Variants in C2orf76 observed in about 807,000 individuals in gnomAD.
C2orf76 encodes chromosome 2 open reading frame 76, also known as UPF0538 protein C2orf76.
In C2orf76, 23 loss-of-function variants were observed where a neutral mutation model predicts 16.9. The observed-to-expected ratio is 1.36, with a 90% CI of 0.98 to 1.93. The LOEUF (loss-of-function observed/expected upper bound fraction) is 1.93, where lower values mean the gene tolerates loss of function less well. C2orf76 is among the 30% of genes most tolerant of loss of function. C2orf76 has a pLI of 0.00. For missense variants in C2orf76, 152 were observed against 152.6 expected, an observed-to-expected ratio of 1.00 and a Z score of 0.02; for synonymous variants, 48 against 52.3, an observed-to-expected ratio of 0.92 and a Z score of 0.35.
chr2:119,301,076 A>AACACAC (rs57577702), downstream of C2orf76, among the ~76,000 whole-genome samples: 69,449 of 146,040 alleles, frequency 0.48, 16,415 homozygotes, highest in Non-Finnish European at 0.54. Flanking sequence ...ACTTCTTAAA[A>AACACAC]ACACACACAC....
At chr2:119,300,132 T>G (rs770228461), downstream of C2orf76, among the ~76,000 whole-genome samples, 18 of 152,176 alleles carry the variant, frequency 1.2e-4, no homozygotes, top group Non-Finnish European at 2.5e-4. Flanking sequence ...TAACTTTACC[T>G]CTCTGGGCCC....
intron 1 of C2orf76, chr2:119,366,237 A>G: frequency 2.7e-6 from 1 of 370,204 alleles, no homozygotes; most frequent in South Asian, 2.0e-5. Flanking sequence ...GAACAGTGCA[A>G]GTTACCCAAC....
At chr2:119,340,777 C>CACAT (rs1680001151) in intron 1 of C2orf76, among the ~76,000 whole-genome samples, 1 of 151,404 alleles carries the variant, frequency 6.6e-6, no homozygotes, top group South Asian at 2.1e-4. Context: ...CACACACACA[C>CACAT]ACACACACAC....
intron 4 of C2orf76, among the ~76,000 whole-genome samples, chr2:119,317,103 T>C (rs1280549258): frequency 1.3e-5 from 2 of 152,226 alleles, no homozygotes; most frequent in East Asian, 3.8e-4. Context: ...CCTTTTGTTC[T>C]GGTACAGAAT....
intron 2 of C2orf76, among the ~76,000 whole-genome samples, chr2:119,332,952 C>T (rs556033339): frequency 1.5e-4 from 23 of 152,306 alleles, no homozygotes; most frequent in African/African-American, 5.1e-4. Flanking sequence ...AGGCTGGTCT[C>T]GAACTCCTGC....
intron 2 of C2orf76, 112 bp from the exon 3 acceptor site, chr2:119,321,316 C>A: frequency 1.6e-6 from 1 of 627,138 alleles, no homozygotes; most frequent in Non-Finnish European, 2.8e-6. Flanking sequence ...CCTTGAAAAA[C>A]CTGACAGAAC....
chr2:119,353,951 G>C (rs1680486305), intron 1 of C2orf76, among the ~76,000 whole-genome samples: 1 of 152,134 alleles, frequency 6.6e-6, no homozygotes, highest in Non-Finnish European at 1.5e-5. Flanking sequence ...AATTAAATAG[G>C]AGGAATCAGT....
intron 3 of C2orf76, among the ~76,000 whole-genome samples, chr2:119,318,160 T>C (rs1202157505): frequency 6.6e-6 from 1 of 152,218 alleles, no homozygotes. Flanking sequence ...AGTAAGTAAT[T>C]TCTCCACACT....
intron 5 of C2orf76, chr2:119,311,106 C>A (rs1678970878): frequency 1.1e-6 from 1 of 943,018 alleles, no homozygotes; most frequent in South Asian, 4.9e-5. Context: ...AATAAAACCA[C>A]ATGCACATTC....
At chr2:119,314,243 A>G (rs6709009) in intron 4 of C2orf76, among the ~76,000 whole-genome samples, 104,421 of 151,804 alleles carry the variant, frequency 0.69, 36,395 homozygotes, top group African/African-American at 0.8. Context: ...TCAAATATAC[A>G]ATAGATACAG....
the C2orf76 span, among the ~76,000 whole-genome samples, chr2:119,288,065 A>G: frequency 6.6e-6 from 1 of 150,564 alleles, no homozygotes; most frequent in Non-Finnish European, 1.5e-5. Context: ...CATGTTCTGC[A>G]TCTTGACTTA....
chr2:119,341,988 C>T (rs997765453), intron 1 of C2orf76, among the ~76,000 whole-genome samples: 3 of 152,144 alleles, frequency 2.0e-5, no homozygotes, highest in African/African-American at 7.2e-5. Context: ...TTTGATCCTA[C>T]AATTTCATTC....
At chr2:119,338,420 C>T (rs1679919153) in intron 2 of C2orf76, among the ~76,000 whole-genome samples, 1 of 152,222 alleles carries the variant, frequency 6.6e-6, no homozygotes, top group African/African-American at 2.4e-5. Flanking sequence ...TATTCAGTTT[C>T]CCACAAGTTG....
intron 1 of C2orf76, chr2:119,366,243 C>T: frequency 2.7e-6 from 1 of 371,820 alleles, no homozygotes; most frequent in Middle Eastern, 3.8e-4. Flanking sequence ...TGCAAGTTAC[C>T]CAACAGGAGT....
chr2:119,322,867 AG>A (rs574971438), intron 2 of C2orf76, among the ~76,000 whole-genome samples: 8 of 147,040 alleles, frequency 5.4e-5, no homozygotes, highest in Admixed American at 1.4e-4. Context: ...TGGGGAGGGC[AG>A]GGGGGTGCTG....
the C2orf76 span, among the ~76,000 whole-genome samples, chr2:119,283,536 G>A: frequency 3.9e-5 from 6 of 152,064 alleles, no homozygotes; most frequent in East Asian, 1.9e-4. Context: ...GTGCAGTGGC[G>A]CCATCTTGGC....
chr2:119,317,625 C>A, intron 3 of C2orf76, 122 bp from the exon 4 acceptor site: 1 of 661,454 alleles, frequency 1.5e-6, no homozygotes, highest in South Asian at 2.3e-5. Context: ...TATAACCAGA[C>A]TCATTTAGAA....
chr2:119,323,090 CACAG>C (rs1679398223), intron 2 of C2orf76, among the ~76,000 whole-genome samples: 2 of 152,174 alleles, frequency 1.3e-5, no homozygotes, highest in Non-Finnish European at 2.9e-5. Flanking sequence ...TGATTATACT[CACAG>C]TAGCCTTGAC....
intron 1 of C2orf76, among the ~76,000 whole-genome samples, chr2:119,359,336 C>A (rs1439697860): frequency 2.0e-5 from 3 of 152,192 alleles, no homozygotes; most frequent in Non-Finnish European, 2.9e-5. Flanking sequence ...TGTTTTCATG[C>A]CTGCTACCAC....
Sources: allele counts gnomAD v4.1 joint callset (sites outside exome capture counted in the v4.1 genomes callset), GRCh38; gene constraint gnomAD v4.1.1; transcripts MANE v1.5; gene names NCBI Gene and HGNC (gene_info 2026-07-23, HGNC 2026-07-21).